Variants in TEX11 observed in about 807,000 individuals in gnomAD.
TEX11 encodes the protein testis-expressed protein 11.
TEX11 carries 7 observed loss-of-function variants against 84.4 expected under a neutral mutation model. That is an observed-to-expected ratio of 0.08 (90% CI 0.05 to 0.16). The LOEUF (loss-of-function observed/expected upper bound fraction) is 0.16. TEX11 is among the 10% of genes least tolerant of loss of function. The pLI is 1.00. For synonymous variants in TEX11, 264 were observed against 222.8 expected (o/e 1.18, Z -1.64); for missense variants, 551 against 660.5 (o/e 0.83, Z 1.82).
At position 70,750,936 on chromosome X, in the gene TEX11, ATATATAT is replaced by A. The variant is rs2090817680; in HGVS notation, c.693-6724_693-6718del. ...TAAAGTATAATAAAAAAAAAAAAAT[ATATATAT>A]ATATATATATATATATATATATAAA... is the stretch of plus-strand genomic sequence containing the variant. On this transcript the variant is annotated intron_variant, in intron 9 of 29. Coordinates refer to ENST00000374333, the MANE Select transcript of TEX11 (RefSeq NM_031276.3). Among the ~76,000 whole-genome samples, 6 of 36,547 alleles carry A rather than the reference ATATATAT, an allele frequency of 1.6e-4. 1 individual carries two copies. Among genetic ancestry groups the A allele is most frequent in the South Asian group, 4.1e-3 (2 of 492 alleles). 31.7% of individuals were successfully genotyped at this position (36,547 alleles called of 115,157 possible).
chrX:70,582,349 A>G (rs2088787811), intron 25 of TEX11, among the ~76,000 whole-genome samples: 1 of 112,041 alleles, frequency 8.9e-6, no homozygotes, highest in Non-Finnish European at 1.9e-5. Flanking sequence ...AACATCAAAG[A>G]GCATAATGAA....
chrX:70,750,935 T>TATAC (rs2090817460), intron 9 of TEX11, among the ~76,000 whole-genome samples: 1 of 28,879 alleles, frequency 3.5e-5, no homozygotes, highest in Non-Finnish European at 6.1e-5. Context: ...AAAAAAAAAA[T>TATAC]ATATATATAT....
chrX:70,854,213 T>C (rs1483753633), intron 5 of TEX11, among the ~76,000 whole-genome samples: 1 of 111,447 alleles, frequency 9.0e-6, no homozygotes, highest in African/African-American at 3.3e-5. Flanking sequence ...AGATACCAAA[T>C]TATAATCCAC....
At chrX:70,620,368 C>T (rs2089370002) in intron 20 of TEX11, among the ~76,000 whole-genome samples, 1 of 111,603 alleles carries the variant, frequency 9.0e-6, no homozygotes, top group Admixed American at 9.5e-5. Context: ...CCAAATCATA[C>T]ATCATCAGAA....
rs757343526 is a variant in TEX11, at chrX:70,842,132, G to A, written c.526-8539C>T. On this transcript the variant is annotated intron_variant, in intron 7 of 29. Transcript: ENST00000374333. ...GGGAATCCTCCCTAACTCATTTTAT[G>A]AGGCCAGCATCATCCTGATACCAAA... 1.4e-4 allele frequency among the ~76,000 whole-genome samples: 15 copies of A among 111,043 alleles called. No individual in the cohort carries two copies. In the South Asian group the frequency reaches 5.4e-3, roughly 40 times the overall value.
chrX:70,817,564 A>G (rs1256054382), intron 8 of TEX11, among the ~76,000 whole-genome samples: 2 of 110,691 alleles, frequency 1.8e-5, no homozygotes, highest in Non-Finnish European at 3.8e-5. Flanking sequence ...CACGCCTGTA[A>G]TGGCAGCTAC....
intron 25 of TEX11, among the ~76,000 whole-genome samples, chrX:70,570,098 G>A (rs2061015959): frequency 1.8e-5 from 2 of 112,065 alleles, no homozygotes; most frequent in South Asian, 3.7e-4. Context: ...ACCTAAGCAA[G>A]CCTGGGCAAT....
chrX:70,514,754 G>GT, the TEX11 span, among the ~76,000 whole-genome samples: 2 of 110,312 alleles, frequency 1.8e-5, no homozygotes, highest in Non-Finnish European at 3.8e-5. Flanking sequence ...CAGAGTTGCT[G>GT]TAAGTTTCCT....
At chrX:70,585,261 C>A (rs913322426) in intron 25 of TEX11, among the ~76,000 whole-genome samples, 8 of 111,874 alleles carry the variant, frequency 7.2e-5, no homozygotes, top group Non-Finnish European at 1.5e-4. Flanking sequence ...ATTAAGAAAA[C>A]AATTCATTTA....
At chrX:70,743,737 G>A (rs2090748662) in intron 10 of TEX11, among the ~76,000 whole-genome samples, 2 of 109,893 alleles carry the variant, frequency 1.8e-5, no homozygotes, top group African/African-American at 6.6e-5. Context: ...TTATCCAGGT[G>A]TGGTGGCTCA....
rs148535914 is a variant in TEX11, at chrX:70,807,857, G to A, written c.607-1067C>T. Among the ~76,000 whole-genome samples, 825 of 110,121 alleles carry A rather than the reference G, an allele frequency of 7.5e-3. 4 individuals are homozygous for A. The highest frequency in any genetic ancestry group is 0.025 in the African/African-American group (766 of 30,254). On this transcript the variant is annotated intron_variant, in intron 8 of 29. Coordinates refer to ENST00000374333, the MANE Select transcript of TEX11 (RefSeq NM_031276.3). The stretch of plus-strand genomic sequence containing the variant: ...GGTGGCTCACACCTGTAATCCGAGC[G>A]CTTTGAGAGACCAAGACAGGTGGAT...
At chrX:70,821,225 G>T (rs1337921640) in intron 8 of TEX11, among the ~76,000 whole-genome samples, 1 of 111,999 alleles carries the variant, frequency 8.9e-6, no homozygotes, top group African/African-American at 3.2e-5. Context: ...CAAATGATCT[G>T]AATAGACCAT....
At chrX:70,656,375 C>T (rs780602345) in intron 16 of TEX11, among the ~76,000 whole-genome samples, 11 of 110,576 alleles carry the variant, frequency 9.9e-5, no homozygotes, top group African/African-American at 3.6e-4. Context: ...ATGCTGTGAG[C>T]TGTGTTTACA....
At chrX:70,523,519 AG>A in the TEX11 span, among the ~76,000 whole-genome samples, 1 of 111,292 alleles carries the variant, frequency 9.0e-6, no homozygotes, top group Non-Finnish European at 1.9e-5. Flanking sequence ...GCTGGAGTGC[AG>A]TGGCGCGATC....
At chrX:70,859,315 C>G (rs989867152) in intron 5 of TEX11, among the ~76,000 whole-genome samples, 2 of 108,851 alleles carry the variant, frequency 1.8e-5, no homozygotes, top group Non-Finnish European at 3.8e-5. Context: ...TGGTGGCTCA[C>G]TCCTGTAATC....
intron 25 of TEX11, among the ~76,000 whole-genome samples, chrX:70,567,059 T>C (rs759485117): frequency 9.0e-6 from 1 of 111,508 alleles, no homozygotes; most frequent in East Asian, 2.8e-4. Flanking sequence ...TGGTAAGCTA[T>C]TGATTATTGC....
chrX:70,660,793 T>G (rs1358933574), intron 16 of TEX11, among the ~76,000 whole-genome samples: 1 of 112,453 alleles, frequency 8.9e-6, no homozygotes, highest in East Asian at 2.8e-4. Flanking sequence ...CCCAACACTT[T>G]GGGAGGTCAA....
intron 2 of TEX11, among the ~76,000 whole-genome samples, chrX:70,887,959 T>C (rs779207257): frequency 4.4e-5 from 5 of 113,066 alleles, no homozygotes; most frequent in Non-Finnish European, 9.4e-5. Flanking sequence ...CTGGATCTTA[T>C]GGAAGGCCAC....
the TEX11 span, among the ~76,000 whole-genome samples, chrX:70,511,542 C>CA: frequency 9.3e-6 from 1 of 107,830 alleles, no homozygotes; most frequent in South Asian, 4.0e-4. Flanking sequence ...ATCACAAGGT[C>CA]AGAAGTTCGA....
Sources: allele counts gnomAD v4.1 joint callset (sites outside exome capture counted in the v4.1 genomes callset), GRCh38; gene constraint gnomAD v4.1.1; transcripts MANE v1.5; gene names NCBI Gene and HGNC (gene_info 2026-07-23, HGNC 2026-07-21).